Variants in CD38 observed in about 807,000 individuals in gnomAD.
CD38 encodes CD38 molecule, also known as ADP-ribosyl cyclase/cyclic ADP-ribose hydrolase 1.
CD38 carries 31 observed loss-of-function variants against 36.3 expected under a neutral mutation model. The ratio of observed to expected loss-of-function variants is 0.85; its 90% CI spans 0.64 to 1.15. The LOEUF (loss-of-function observed/expected upper bound fraction) is 1.15. Among genes scored for constraint, CD38 ranks in the 50% most tolerant of loss-of-function variants. The pLI is 0.00. For missense variants in CD38, 380 were observed against 371.9 expected, an observed-to-expected ratio of 1.02 and a Z score of -0.18; for synonymous variants, 131 against 135.2, an observed-to-expected ratio of 0.97 and a Z score of 0.22.
chr4:15,791,336 T>A (rs866771584), intron 1 of CD38, among the ~76,000 whole-genome samples: 2 of 51,880 alleles, frequency 3.9e-5, no homozygotes, highest in Non-Finnish European at 6.7e-5. Context: ...AGCCGCCCCG[T>A]CCGGGAGGGA....
At position 15,851,558 on chromosome 4, in the gene CD38, A is replaced by G. The variant is rs1280863442; in HGVS notation, c.*2956A>G. 6.6e-6 allele frequency: 1 copy of G among 152,174 alleles called. No individual in the cohort carries two copies. The highest frequency in any genetic ancestry group is 2.4e-5 in the African/African-American group (1 of 41,422). 9.4% of individuals were successfully genotyped at this position (152,174 alleles called of 1,614,324 possible). ...CTATTGTAATGGTTCTTGACCTTAT[A>G]ATGTTTGAGGCACCTTTTCAAATAT... On this transcript the variant is annotated 3_prime_UTR_variant, in exon 8 of 8. Coordinates refer to ENST00000226279, the MANE Select transcript of CD38 (RefSeq NM_001775.4).
intron 1 of CD38, among the ~76,000 whole-genome samples, chr4:15,811,137 T>C (rs546474153): frequency 9.8e-5 from 15 of 152,334 alleles, no homozygotes; most frequent in Admixed American, 8.5e-4. Context: ...TATTATTGAA[T>C]TATAAGAGCT....
In CD38 at chr4:15,838,141, G is replaced by A. The variant is rs1027078103; in HGVS notation, c.635G>A (p.Arg212His). ...DVVHVMLNGS[R>H]SKIFDKNSTF... The stretch of plus-strand genomic sequence containing the variant: ...GTCCATGTGATGCTCAATGGATCCC[G>A]CAGTAAAATCTTTGACAAAAACAGG... Residue 212 changes from arginine to histidine, a missense_variant, in exon 5 of 8, where the codon CGC becomes CAC. By Grantham distance (29) the Arg-to-His change is conservative. Coordinates refer to ENST00000226279, the MANE Select transcript of CD38 (RefSeq NM_001775.4). The A allele has an allele frequency of 3.5e-5, 57 of 1,613,256 alleles. No individual in the cohort carries two copies. In the Middle Eastern group the frequency reaches 4.9e-4, roughly 14 times the overall value.
At chr4:15,808,341 A>T (rs1723388708) in intron 1 of CD38, among the ~76,000 whole-genome samples, 1 of 152,182 alleles carries the variant, frequency 6.6e-6, no homozygotes, top group African/African-American at 2.4e-5. Context: ...ATGCGAAAGG[A>T]TACATTGTGA....
At chr4:15,797,510 G>A (rs1577639766) in intron 1 of CD38, among the ~76,000 whole-genome samples, 2 of 152,298 alleles carry the variant, frequency 1.3e-5, no homozygotes, top group Middle Eastern at 3.4e-3. Context: ...GTTCTGAGGT[G>A]TGGCAGGTAT....
intron 1 of CD38, among the ~76,000 whole-genome samples, chr4:15,806,903 G>C (rs1723353724): frequency 6.6e-6 from 1 of 152,188 alleles, no homozygotes; most frequent in African/African-American, 2.4e-5. Context: ...TAGTTGTCTT[G>C]TTCAGAAGCT....
intron 2 of CD38, among the ~76,000 whole-genome samples, chr4:15,823,711 G>T (rs1446174273): frequency 2.0e-5 from 3 of 152,198 alleles, no homozygotes; most frequent in African/African-American, 7.2e-5. Context: ...TTACACTGTT[G>T]GTGGGAATGT....
chr4:15,829,127 T>C (rs1170264641), intron 3 of CD38, among the ~76,000 whole-genome samples: 1 of 152,182 alleles, frequency 6.6e-6, no homozygotes, highest in Non-Finnish European at 1.5e-5. Flanking sequence ...TTTTGAAAAA[T>C]GTCTATTCAG....
At chr4:15,806,936 A>T (rs879650228) in intron 1 of CD38, among the ~76,000 whole-genome samples, 1 of 152,218 alleles carries the variant, frequency 6.6e-6, no homozygotes, top group African/African-American at 2.4e-5. Context: ...TTGGCCAAGC[A>T]TAAACACTGA....
chr4:15,793,827 T>TA (rs1229918588), intron 1 of CD38, among the ~76,000 whole-genome samples: 1 of 152,232 alleles, frequency 6.6e-6, no homozygotes, highest in African/African-American at 2.4e-5. Context: ...CATGGGCTAA[T>TA]ATATGGAATG....
intron 1 of CD38, among the ~76,000 whole-genome samples, chr4:15,814,552 T>C (rs565927009): frequency 6.6e-6 from 1 of 152,234 alleles, no homozygotes; most frequent in Non-Finnish European, 1.5e-5. Context: ...TAGATTTTCG[T>C]CTAGGGTTTT....
At chr4:15,789,486 C>G (rs1475966384) in intron 1 of CD38, among the ~76,000 whole-genome samples, 1 of 152,174 alleles carries the variant, frequency 6.6e-6, no homozygotes, top group Non-Finnish European at 1.5e-5. Context: ...AAGCCATAAA[C>G]TTTGGGGATT....
At chr4:15,795,696 A>AT (rs1353616522) in intron 1 of CD38, among the ~76,000 whole-genome samples, 1 of 152,008 alleles carries the variant, frequency 6.6e-6, no homozygotes, top group South Asian at 2.1e-4. Context: ...GTTACAATTA[A>AT]TTTTTTTTCT....
chr4:15,804,813 T>C (rs1723308287), intron 1 of CD38, among the ~76,000 whole-genome samples: 1 of 152,062 alleles, frequency 6.6e-6, no homozygotes, highest in South Asian at 2.1e-4. Flanking sequence ...ATTATATATA[T>C]GGATAGAGGA....
At chr4:15,831,665 C>T (rs1451349209) in intron 3 of CD38, among the ~76,000 whole-genome samples, 2 of 152,088 alleles carry the variant, frequency 1.3e-5, no homozygotes, top group Admixed American at 6.5e-5. Context: ...TGTACTGAAA[C>T]TCCCTTGTAT....
At chr4:15,783,594 G>C (rs1722744169) in intron 1 of CD38, among the ~76,000 whole-genome samples, 1 of 152,212 alleles carries the variant, frequency 6.6e-6, no homozygotes. Flanking sequence ...CTTAATAGAA[G>C]CTTGCTATAT....
intron 3 of CD38, chr4:15,825,851 G>C (rs1723834364): frequency 6.6e-6 from 1 of 152,042 alleles, no homozygotes; most frequent in African/African-American, 2.4e-5. Flanking sequence ...CACTGGCTTT[G>C]CCATCATTTT....
At chr4:15,779,282 A>G (rs1414094691) in intron 1 of CD38, among the ~76,000 whole-genome samples, 1 of 152,250 alleles carries the variant, frequency 6.6e-6, no homozygotes, top group Non-Finnish European at 1.5e-5. Flanking sequence ...GTCAACTTCT[A>G]AAACCGAGAC....
rs146338292 is a variant in CD38, at chr4:15,821,800, T to C, written c.364-3081T>C. 2.6e-3 allele frequency among the ~76,000 whole-genome samples: 381 copies of C among 147,516 alleles called. 1 individual carries two copies. The highest frequency in any genetic ancestry group is 9.2e-3 in the African/African-American group (367 of 39,972). On this transcript the variant is annotated intron_variant, in intron 2 of 7. Transcript: ENST00000226279. ...TTTCTTCTGAAACTGTTCCAAAAAA[T>C]TGAAAAGTAAGGACTCCTCCCTAAC...
Sources: gnomAD v4.1 joint callset for allele counts (sites outside exome capture counted in the v4.1 genomes callset) on GRCh38, gnomAD v4.1.1 for gene constraint, MANE v1.5 for transcripts, NCBI Gene and HGNC (gene_info 2026-07-23, HGNC 2026-07-21) for gene names.